The following PARN variants were observed in gnomAD, a reference collection of about 807,000 sequenced individuals.
PARN encodes poly(A)-specific ribonuclease PARN.
A neutral mutation model predicts 102.8 loss-of-function variants in PARN; 71 were observed. The ratio of observed to expected loss-of-function variants is 0.69; its 90% CI spans 0.57 to 0.84. PARN has a LOEUF of 0.84. Among genes scored for constraint, PARN ranks in the 40% least tolerant of loss-of-function variants. The pLI is 0.00. For missense variants in PARN, 782 were observed against 760.9 expected (o/e 1.03, Z -0.33); for synonymous variants, 261 against 252.9 (o/e 1.03, Z -0.30).
chr16:14,505,688 AAAT>A, intron 21 of PARN, among the ~76,000 whole-genome samples: 1 of 152,306 alleles, frequency 6.6e-6, no homozygotes, highest in Admixed American at 6.5e-5. Context: ...TAAATGTAAT[AAAT>A]AATAATCATG....
intron 17 of PARN, among the ~76,000 whole-genome samples, chr16:14,581,759 A>T (rs1425915440): frequency 6.6e-6 from 1 of 152,122 alleles, no homozygotes; most frequent in Non-Finnish European, 1.5e-5. Flanking sequence ...GTCTCTATAA[A>T]AAAATTAAAA....
chr16:14,448,785 G>A (rs1596437657), intron 22 of PARN, among the ~76,000 whole-genome samples: 1 of 152,304 alleles, frequency 6.6e-6, no homozygotes, highest in Middle Eastern at 3.4e-3. Context: ...AGAGGCTGGA[G>A]CACTCTTCCT....
At chr16:14,465,799 T>A (rs1962308667) in intron 22 of PARN, among the ~76,000 whole-genome samples, 1 of 152,172 alleles carries the variant, frequency 6.6e-6, no homozygotes, top group Non-Finnish European at 1.5e-5. Flanking sequence ...GCAACAGAGC[T>A]GAATCCTTAC....
At chr16:14,493,939 C>T (rs981768066) in intron 21 of PARN, among the ~76,000 whole-genome samples, 1 of 152,232 alleles carries the variant, frequency 6.6e-6, no homozygotes, top group Admixed American at 6.5e-5. Context: ...TACTATAATG[C>T]TTGTAAAGAA....
At chr16:14,472,267 A>G (rs1962791249) in intron 22 of PARN, among the ~76,000 whole-genome samples, 1 of 152,224 alleles carries the variant, frequency 6.6e-6, no homozygotes, top group Non-Finnish European at 1.5e-5. Context: ...ACACTTTAAA[A>G]TTCTGCATTT....
chr16:14,546,039 G>A (rs1184031066), intron 21 of PARN, among the ~76,000 whole-genome samples: 2 of 152,092 alleles, frequency 1.3e-5, no homozygotes, highest in Non-Finnish European at 2.9e-5. Context: ...GCGTTCTTGA[G>A]AGAGATCAAC....
intron 21 of PARN, among the ~76,000 whole-genome samples, chr16:14,538,904 T>G (rs140947667): frequency 1.3e-5 from 2 of 152,100 alleles, no homozygotes; most frequent in Non-Finnish European, 2.9e-5. Context: ...CTATTGTAAA[T>G]TGCACATATG....
chr16:14,621,637 CCT>C (rs1252884067), intron 5 of PARN, among the ~76,000 whole-genome samples: 1 of 151,492 alleles, frequency 6.6e-6, no homozygotes, highest in Non-Finnish European at 1.5e-5. Context: ...CGGTGAAAAC[CCT>C]GTCTCTACTA....
intron 22 of PARN, among the ~76,000 whole-genome samples, chr16:14,467,338 CACCT>C (rs1962422636): frequency 6.6e-6 from 1 of 152,214 alleles, no homozygotes; most frequent in Admixed American, 6.5e-5. Context: ...AACAAGGAAT[CACCT>C]ACCAAAAGCT....
At chr16:14,560,107 T>C (rs944786491) in intron 18 of PARN, among the ~76,000 whole-genome samples, 1 of 152,218 alleles carries the variant, frequency 6.6e-6, no homozygotes, top group African/African-American at 2.4e-5. Context: ...ACTGACTCCC[T>C]GGAATGATTT....
intron 6 of PARN, among the ~76,000 whole-genome samples, chr16:14,613,406 A>C (rs1971650794): frequency 1.3e-5 from 2 of 151,954 alleles, no homozygotes; most frequent in Non-Finnish European, 2.9e-5. Context: ...CGCATCACTT[A>C]AGATCAAGAG....
intron 21 of PARN, among the ~76,000 whole-genome samples, chr16:14,497,093 A>G (rs1307115159): frequency 6.6e-6 from 1 of 152,144 alleles, no homozygotes; most frequent in South Asian, 2.1e-4. Context: ...TTGCAACAGT[A>G]TCACTAAACA....
chr16:14,600,845 G>A (rs772477240), intron 11 of PARN, among the ~76,000 whole-genome samples: 12 of 152,092 alleles, frequency 7.9e-5, no homozygotes, highest in African/African-American at 4.8e-5. Context: ...CAGGAGAATC[G>A]CTTGAACCCG....
At chr16:14,474,769 G>A (rs1962944447) in intron 22 of PARN, among the ~76,000 whole-genome samples, 1 of 152,166 alleles carries the variant, frequency 6.6e-6, no homozygotes, top group Non-Finnish European at 1.5e-5. Flanking sequence ...TCTGCCCTAT[G>A]GCTTCTGTTG....
intron 18 of PARN, among the ~76,000 whole-genome samples, chr16:14,579,883 G>A (rs560115446): frequency 6.6e-6 from 1 of 152,066 alleles, no homozygotes; most frequent in East Asian, 1.9e-4. Flanking sequence ...GGCTGCAGCA[G>A]GAGGACTGCT....
At chr16:14,562,651 A>G (rs910544113) in intron 18 of PARN, among the ~76,000 whole-genome samples, 96 of 144,552 alleles carry the variant, frequency 6.6e-4, no homozygotes, top group Admixed American at 3.8e-3. Context: ...AGTAGATTTA[A>G]AAAAAAAAAA....
chr16:14,507,375 C>A (rs1964950750), intron 21 of PARN, among the ~76,000 whole-genome samples: 1 of 151,580 alleles, frequency 6.6e-6, no homozygotes, highest in Admixed American at 6.6e-5. Flanking sequence ...TTGAAACCAG[C>A]TCTCTGACTC....
intron 21 of PARN, among the ~76,000 whole-genome samples, chr16:14,536,591 A>G (rs1466113558): frequency 6.6e-6 from 1 of 152,232 alleles, no homozygotes; most frequent in Admixed American, 6.5e-5. Context: ...TGTATCGTAC[A>G]CTTAAATACT....
intron 21 of PARN, among the ~76,000 whole-genome samples, chr16:14,498,462 C>T (rs774888482): frequency 9.2e-5 from 14 of 152,198 alleles, no homozygotes; most frequent in Non-Finnish European, 1.8e-4. Flanking sequence ...CAGGATGCTG[C>T]GCTATGAACA....
Sources: gnomAD v4.1 joint callset for allele counts (sites outside exome capture counted in the v4.1 genomes callset) on GRCh38, gnomAD v4.1.1 for gene constraint, MANE v1.5 for transcripts, NCBI Gene and HGNC (gene_info 2026-07-23, HGNC 2026-07-21) for gene names.